Variants in PCNX2 observed in about 807,000 individuals in gnomAD.
PCNX2 encodes the protein pecanex-like protein 2.
A neutral mutation model predicts 223.8 loss-of-function variants in PCNX2; 168 were observed. The ratio of observed to expected loss-of-function variants is 0.75; its 90% CI spans 0.66 to 0.85. PCNX2 has a LOEUF of 0.85. Ranked by LOEUF, PCNX2 falls within the 40% of genes least tolerant of loss-of-function variation. The pLI, the probability that PCNX2 is intolerant of heterozygous loss-of-function variation, is 0.00. For synonymous variants in PCNX2, 1,006 were observed against 1,052.6 expected (o/e 0.96, Z 0.86); for missense variants, 2,507 against 2,675.5 (o/e 0.94, Z 1.39).
intron 1 of PCNX2, among the ~76,000 whole-genome samples, chr1:233,285,833 G>C (rs1470090573): frequency 6.6e-6 from 1 of 152,228 alleles, no homozygotes; most frequent in Non-Finnish European, 1.5e-5. Context: ...TTCTTCAATA[G>C]TGACTAGTCA....
At chr1:233,067,568 G>A (rs1351866358) in intron 23 of PCNX2, among the ~76,000 whole-genome samples, 1 of 151,636 alleles carries the variant, frequency 6.6e-6, no homozygotes, top group Non-Finnish European at 1.5e-5. Flanking sequence ...TCACCTCCAG[G>A]GTTCAAGTGA....
At chr1:233,087,694 G>C (rs1298730776) in intron 23 of PCNX2, among the ~76,000 whole-genome samples, 1 of 152,212 alleles carries the variant, frequency 6.6e-6, no homozygotes, top group African/African-American at 2.4e-5. Flanking sequence ...AGATGGGCCA[G>C]AGGACGCTGC....
At chr1:232,988,420 CTT>C (rs66592819) in intron 32 of PCNX2, among the ~76,000 whole-genome samples, 13 of 147,588 alleles carry the variant, frequency 8.8e-5, no homozygotes, top group African/African-American at 3.0e-4. Flanking sequence ...TCTCATTGCT[CTT>C]TTTTTTTTTT....
intron 28 of PCNX2, among the ~76,000 whole-genome samples, chr1:233,005,056 A>G (rs552414529): frequency 4.6e-5 from 7 of 152,234 alleles, no homozygotes; most frequent in South Asian, 2.1e-4. Flanking sequence ...GCTTCGAAAC[A>G]TGAATAATGA....
chr1:233,160,297 T>TGATGATACTCTTTGTTTTTGA lies in PCNX2; in HGVS notation c.3482_3502dup (p.Leu1161_His1167dup). On this transcript the variant is annotated inframe_insertion, in exon 19 of 34. Coordinates refer to ENST00000258229, the MANE Select transcript of PCNX2 (RefSeq NM_014801.4). The stretch of plus-strand genomic sequence containing the variant: ...ATATTACTAACCTCTCACTTCCCGT[T>TGATGATACTCTTTGTTTTTGA]GATGATACTCTTTGTTTTTGAGAAT... 1 of 1,613,660 alleles carries TGATGATACTCTTTGTTTTTGA rather than the reference T, an allele frequency of 6.2e-7. No homozygotes were observed. The highest frequency in any genetic ancestry group is 8.5e-7 in the Non-Finnish European group (1 of 1,179,686).
Position 233,031,907 on chromosome 1 carries a change from C to CAGAG in PCNX2, c.4352-6512_4352-6509dup. The CAGAG allele has an allele frequency of 4.1e-6, 4 of 984,834 alleles. No homozygotes were observed. In the South Asian group the frequency reaches 1.9e-4, roughly 46 times the overall value. 61.0% of individuals were successfully genotyped at this position (984,834 alleles called of 1,614,324 possible). On this transcript the variant is annotated intron_variant, in intron 25 of 33. Transcript: ENST00000258229. ...ACTGGACTATAAACAGTGAGGCATC[C>CAGAG]AGAGAGTAATGACCACCATAACCTG...
At chr1:233,177,939 TG>T (rs1411029185) in intron 16 of PCNX2, 41 bp from the exon 17 acceptor site, 1 of 1,528,656 alleles carries the variant, frequency 6.5e-7, no homozygotes, top group Admixed American at 1.7e-5. Context: ...AAGATGTTCC[TG>T]GGACAGTGTT....
chr1:233,316,883 C>T, the PCNX2 span, among the ~76,000 whole-genome samples: 2 of 152,234 alleles, frequency 1.3e-5, no homozygotes, highest in African/African-American at 4.8e-5. Flanking sequence ...ACTTATTCAT[C>T]CTGTCTATTT....
chr1:233,106,818 T>A (rs1674816787), intron 21 of PCNX2, among the ~76,000 whole-genome samples: 1 of 152,210 alleles, frequency 6.6e-6, no homozygotes, highest in Non-Finnish European at 1.5e-5. Flanking sequence ...AATGCCCTCC[T>A]GTCCCTCTAA....
At chr1:233,106,500 G>A (rs958702345) in intron 21 of PCNX2, among the ~76,000 whole-genome samples, 3 of 151,800 alleles carry the variant, frequency 2.0e-5, no homozygotes, top group Non-Finnish European at 2.9e-5. Flanking sequence ...CTGCAGGCAC[G>A]TGCCACCACA....
rs1224367572 is a variant in PCNX2, at chr1:233,258,254, C to T, written c.1608G>A (p.Gly536=). 6.2e-7 allele frequency: 1 copy of T among 1,613,874 alleles called. No individual in the cohort carries two copies. Among genetic ancestry groups the T allele is most frequent in the East Asian group, 2.2e-5 (1 of 44,874 alleles). The change falls in exon 5 of 34, where the codon GGG becomes GGA. Residue 536 remains glycine (G), a synonymous_variant. Coordinates refer to ENST00000258229, the MANE Select transcript of PCNX2 (RefSeq NM_014801.4). ...AACTTTTACTCAAGAAGACATCTGT[C>T]CCACTGTCCACACTGAGCACCCGGG... is the stretch of plus-strand genomic sequence containing the variant. ...RHARVLSVDS[G]TDVFLSKSSA...
chr1:233,124,094 C>T (rs952215356), intron 21 of PCNX2, among the ~76,000 whole-genome samples: 3 of 152,196 alleles, frequency 2.0e-5, no homozygotes, highest in Non-Finnish European at 4.4e-5. Context: ...TTCTTCTCCT[C>T]ATTCTCATTC....
rs771468287 is a variant in PCNX2, at chr1:233,258,024, G to T, written c.1834+4C>A. The T allele has an allele frequency of 6.2e-7, 1 of 1,607,748 alleles. No homozygotes were observed. The highest frequency in any genetic ancestry group is 8.5e-7 in the Non-Finnish European group (1 of 1,175,090). On this transcript the variant is annotated splice_donor_region_variant and intron_variant, in intron 5 of 33. Coordinates refer to ENST00000258229, the MANE Select transcript of PCNX2 (RefSeq NM_014801.4). ...ATCAGAACGGAAATGACATGGAATC[G>T]CACCTCGGAGAAGCCCACTTTCTTC...
chr1:233,202,262 C>T (rs1037857725), intron 13 of PCNX2: 1 of 462,396 alleles, frequency 2.2e-6, no homozygotes, highest in African/African-American at 2.0e-5. Flanking sequence ...TGTGAACAAA[C>T]ATTTTCTGTT....
intron 23 of PCNX2, among the ~76,000 whole-genome samples, chr1:233,059,736 G>A (rs986326227): frequency 6.6e-6 from 1 of 152,164 alleles, no homozygotes; most frequent in Non-Finnish European, 1.5e-5. Context: ...TATAATATTT[G>A]CTAAGAAGAA....
At chr1:233,131,001 A>G (rs1391783421) in intron 21 of PCNX2, among the ~76,000 whole-genome samples, 1 of 151,898 alleles carries the variant, frequency 6.6e-6, no homozygotes, top group Non-Finnish European at 1.5e-5. Context: ...CTCTGTTTCT[A>G]CCCATAAAGC....
rs1049705573 is a variant in PCNX2 at position 232,991,310 on chromosome 1, G to C, written c.5792-4770C>G. On this transcript the variant is annotated intron_variant, in intron 32 of 33. Coordinates refer to ENST00000258229, the MANE Select transcript of PCNX2 (RefSeq NM_014801.4). The surrounding 1 kb of genome is among the most constrained non-coding windows in gnomAD (Gnocchi z 4.3). ...GCAGCTGAGGGGGCCCTGGAAAGGA[G>C]AATGCTTGACACTGTTGAGGGACAG... 3.3e-5 allele frequency among the ~76,000 whole-genome samples: 5 copies of C among 152,094 alleles called. No individual in the cohort carries two copies. Among genetic ancestry groups the C allele is most frequent in the African/African-American group, 9.7e-5 (4 of 41,416 alleles).
At chr1:233,168,097 G>T (rs1000266075) in intron 17 of PCNX2, among the ~76,000 whole-genome samples, 10 of 151,978 alleles carry the variant, frequency 6.6e-5, no homozygotes, top group African/African-American at 2.4e-4. Context: ...ATTCTACTGT[G>T]TTAGATATTA....
intron 25 of PCNX2, among the ~76,000 whole-genome samples, chr1:233,027,290 A>C (rs1339240354): frequency 6.6e-6 from 1 of 152,162 alleles, no homozygotes; most frequent in Non-Finnish European, 1.5e-5. Flanking sequence ...GGGGAGGGGT[A>C]GTCTCATGAG....
Sources: allele counts gnomAD v4.1 joint callset (sites outside exome capture counted in the v4.1 genomes callset), GRCh38; gene constraint gnomAD v4.1.1; non-coding constraint Gnocchi (gnomAD v3.1); transcripts MANE v1.5; gene names NCBI Gene and HGNC (gene_info 2026-07-23, HGNC 2026-07-21).